Variants in GABRA6 observed in about 807,000 individuals in gnomAD.
The protein encoded by GABRA6 is gamma-aminobutyric acid type A receptor subunit alpha6.
A neutral mutation model predicts 47.3 loss-of-function variants in GABRA6; 45 were observed. That is an observed-to-expected ratio of 0.95 (90% confidence interval 0.75 to 1.22). GABRA6 has a LOEUF of 1.22. Ranked by LOEUF, GABRA6 falls within the 50% of genes most tolerant of loss-of-function variation. The pLI is 0.00. For missense variants in GABRA6, 583 were observed against 549.3 expected (o/e 1.06, Z -0.61); for synonymous variants, 219 against 194.7 (o/e 1.12, Z -1.04).
At chr5:161,687,224 A>C in intron 3 of GABRA6, 2 of 576,806 alleles carry the variant, frequency 3.5e-6, no homozygotes, top group Non-Finnish European at 6.3e-6. Context: ...TTTTAAAATT[A>C]TGTCCTCTCT....
At chr5:161,688,395 C>G (rs1754733969) in intron 3 of GABRA6, among the ~76,000 whole-genome samples, 1 of 152,136 alleles carries the variant, frequency 6.6e-6, no homozygotes, top group Non-Finnish European at 1.5e-5. Context: ...ATGATACCCT[C>G]TTTAGAATAG....
At position 161,692,042 on chromosome 5, in the gene GABRA6, T is replaced by G; in HGVS notation, c.928T>G (p.Cys310Gly). ...ATAMDWFIAV[C>G]FAFVFSALIE... Reference sequence around the variant, plus strand: ...TGCCATGGATTGGTTCATAGCTGTTTGCTTTGCATTCGTCTTCTCTGCGCT... The same window carrying G: ...TGCCATGGATTGGTTCATAGCTGTTGGCTTTGCATTCGTCTTCTCTGCGCT... The change falls in exon 8 of 9, where the codon TGC (cysteine) becomes GGC (glycine). Residue 310 changes from cysteine to glycine, a missense_variant. Physicochemically the swap from Cys to Gly is radical, Grantham distance 159. Coordinates refer to ENST00000274545, the MANE Select transcript of GABRA6 (RefSeq NM_000811.3). The G allele has an allele frequency of 1.2e-6, 2 of 1,614,206 alleles. No homozygotes were observed. Among genetic ancestry groups the G allele is most frequent in the Middle Eastern group, 1.6e-4 (1 of 6,062 alleles).
chr5:161,687,833 G>A (rs1321954448), intron 3 of GABRA6, among the ~76,000 whole-genome samples: 1 of 152,012 alleles, frequency 6.6e-6, no homozygotes, highest in Non-Finnish European at 1.5e-5. Context: ...AGTAAAGGAA[G>A]AAGAGAAAGG....
At chr5:161,697,625 T>C (rs1052425596) in intron 8 of GABRA6, among the ~76,000 whole-genome samples, 2 of 152,166 alleles carry the variant, frequency 1.3e-5, no homozygotes, top group Non-Finnish European at 1.5e-5. Context: ...AGGTGGCTAA[T>C]GGTATCATGT....
At chr5:161,696,735 C>A (rs1401251273) in intron 8 of GABRA6, among the ~76,000 whole-genome samples, 1 of 152,132 alleles carries the variant, frequency 6.6e-6, no homozygotes, top group Non-Finnish European at 1.5e-5. Context: ...TGTCTGTTTT[C>A]AACTCTACCA....
intron 3 of GABRA6, chr5:161,687,272 G>C: frequency 2.1e-6 from 1 of 470,184 alleles, no homozygotes; most frequent in Non-Finnish European, 3.9e-6. Flanking sequence ...TCCCTCCAAA[G>C]AGAAGAGATT....
chr5:161,693,816 T>G (rs1754844073), intron 8 of GABRA6, among the ~76,000 whole-genome samples: 1 of 152,020 alleles, frequency 6.6e-6, no homozygotes, highest in Non-Finnish European at 1.5e-5. Context: ...AGATACTGTT[T>G]TTGTAATAAT....
At chr5:161,689,815 A>G in intron 6 of GABRA6, 36 bp downstream of exon 6, 1 of 1,585,292 alleles carries the variant, frequency 6.3e-7, no homozygotes. Flanking sequence ...ATAATCCCTC[A>G]GGATGACTCC....
rs1754687594 is a variant in GABRA6, at chr5:161,686,210, C to A, written c.39-20C>A. The A allele has an allele frequency of 3.2e-6, 5 of 1,561,990 alleles. No individual in the cohort carries two copies. Among genetic ancestry groups the A allele is most frequent in the East Asian group, 2.2e-5 (1 of 44,666 alleles). On this transcript the variant is annotated intron_variant, in intron 1 of 8. Coordinates refer to ENST00000274545, the MANE Select transcript of GABRA6 (RefSeq NM_000811.3). Reference sequence around the variant, plus strand: ...CTTCTCTGAGCCTGGGAGTAAGGATCATTGACTGTCTACACACAGGCTAGA... The same window carrying A: ...CTTCTCTGAGCCTGGGAGTAAGGATAATTGACTGTCTACACACAGGCTAGA...
At chr5:161,700,978 G>C (rs1754969943) in intron 8 of GABRA6, among the ~76,000 whole-genome samples, 1 of 152,110 alleles carries the variant, frequency 6.6e-6, no homozygotes, top group Non-Finnish European at 1.5e-5. Context: ...TTAAATCATA[G>C]CTGATTCAAG....
intron 8 of GABRA6, 144 bp from the exon 9 acceptor site, chr5:161,701,354 A>G: frequency 1.2e-6 from 1 of 869,018 alleles, no homozygotes; most frequent in African/African-American, 1.7e-5. Context: ...ACCAACAAAT[A>G]CTATTAAGAA....
chr5:161,687,702 G>T (rs940416621), intron 3 of GABRA6: 1 of 200,836 alleles, frequency 5.0e-6, no homozygotes, highest in Admixed American at 5.6e-5. Flanking sequence ...CTTTAAAGAG[G>T]TTCACCATTA....
In GABRA6 at chr5:161,702,083, G is replaced by A; in HGVS notation, c.*310G>A. ...TTGTTCAGTATTTTTAATTGTCACT[G>A]TAAATAACATTTACCACAAGGCAGA... is the stretch of plus-strand genomic sequence containing the variant. On this transcript the variant is annotated 3_prime_UTR_variant, in exon 9 of 9. Transcript: ENST00000274545. 1 of 349,050 alleles carries A rather than the reference G, an allele frequency of 2.9e-6. No homozygotes were observed. Among genetic ancestry groups the A allele is most frequent in the Non-Finnish European group, 5.4e-6 (1 of 186,848 alleles). 21.6% of individuals were successfully genotyped at this position (349,050 alleles called of 1,614,324 possible).
chr5:161,700,102 A>C (rs1439960135), intron 8 of GABRA6, among the ~76,000 whole-genome samples: 1 of 152,226 alleles, frequency 6.6e-6, no homozygotes, highest in Non-Finnish European at 1.5e-5. Context: ...CAAAATCAAG[A>C]GGAGAATATA....
At chr5:161,695,478 C>G (rs1754870665) in intron 8 of GABRA6, among the ~76,000 whole-genome samples, 1 of 151,890 alleles carries the variant, frequency 6.6e-6, no homozygotes. Context: ...TTACTTATAT[C>G]TTCATGAGTT....
Position 161,685,870 on chromosome 5 carries a change from A to G in GABRA6, c.-120A>G. 1.1e-6 allele frequency: 1 copy of G among 875,880 alleles called. No individual in the cohort carries two copies. 54.3% of individuals were successfully genotyped at this position (875,880 alleles called of 1,614,324 possible). On this transcript the variant is annotated 5_prime_UTR_variant, in exon 1 of 9. Coordinates refer to ENST00000274545, the MANE Select transcript of GABRA6 (RefSeq NM_000811.3). ...ATCTATTGGATTACTGACTTGAGGC[A>G]AACAAGGAACAGAGATATGAAGGGT...
At position 161,690,256 on chromosome 5, in the gene GABRA6, C is replaced by G. The variant is rs772082096; in HGVS notation, c.729C>G (p.Phe243Leu). Residue 243 changes from phenylalanine to leucine, a missense_variant, in exon 7 of 9, where the codon TTC (phenylalanine) becomes TTG (leucine). By Grantham distance (22) the Phe-to-Leu change is conservative. Coordinates refer to ENST00000274545, the MANE Select transcript of GABRA6 (RefSeq NM_000811.3). ...ACTTGCAAAGGAAGATGGGCTACTT[C>G]ATGATACAGATATACACTCCTTGCA... is the stretch of plus-strand genomic sequence containing the variant. ...YFHLQRKMGY[F>L]MIQIYTPCIM... 3.7e-6 allele frequency: 6 copies of G among 1,613,512 alleles called. No homozygotes were observed. The highest frequency in any genetic ancestry group is 5.1e-6 in the Non-Finnish European group (6 of 1,179,630).
intron 5 of GABRA6, 147 bp from the exon 6 acceptor site, chr5:161,689,489 A>G: frequency 9.8e-7 from 1 of 1,025,222 alleles, no homozygotes; most frequent in Non-Finnish European, 1.5e-6. Context: ...CAATCTCATA[A>G]ATTGAGGCTT....
Position 161,700,449 on chromosome 5 carries a change from G to A in GABRA6, c.1087-1049G>A, listed in dbSNP as rs1247324211. ...AGACAAGAAAAGATAGGAATCAGAG[G>A]AGGGCCCCCTAGACACCAACGGCAT... On this transcript the variant is annotated intron_variant, in intron 8 of 8. Transcript: ENST00000274545. Among the ~76,000 whole-genome samples the A allele has an allele frequency of 4.6e-5, 7 of 152,326 alleles. No homozygotes were observed. The East Asian group carries it at 9.7e-4, about 21-fold the overall frequency.
Sources: allele counts gnomAD v4.1 joint callset (sites outside exome capture counted in the v4.1 genomes callset), GRCh38; gene constraint gnomAD v4.1.1; transcripts MANE v1.5; gene names NCBI Gene and HGNC (gene_info 2026-07-23, HGNC 2026-07-21).